Variants in CHSY3 observed in about 807,000 individuals in gnomAD.
The protein encoded by CHSY3 is chondroitin sulfate synthase 3.
A neutral mutation model predicts 67.2 loss-of-function variants in CHSY3; 35 were observed. The ratio of observed to expected loss-of-function variants is 0.52; its 90% CI spans 0.40 to 0.69. The LOEUF (loss-of-function observed/expected upper bound fraction) is 0.69. CHSY3 is among the 30% of genes least tolerant of loss of function. The pLI, the probability that CHSY3 is intolerant of heterozygous loss-of-function variation, is 0.00. For missense variants in CHSY3, 1,069 were observed against 1,138.5 expected (o/e 0.94, Z 0.88); for synonymous variants, 474 against 434.7 (o/e 1.09, Z -1.12).
chr5:129,914,684 G>A (rs1760681826), intron 2 of CHSY3, among the ~76,000 whole-genome samples: 1 of 152,142 alleles, frequency 6.6e-6, no homozygotes, highest in Non-Finnish European at 1.5e-5. Context: ...CTTCCACACT[G>A]TTTTCTTCAT....
intron 2 of CHSY3, among the ~76,000 whole-genome samples, chr5:129,933,321 A>G (rs907983141): frequency 1.3e-5 from 2 of 152,138 alleles, no homozygotes; most frequent in Admixed American, 1.3e-4. Flanking sequence ...ATATTTTGAA[A>G]TTAGCATCAG....
chr5:130,099,178 ACT>A (rs1767147633), intron 2 of CHSY3, among the ~76,000 whole-genome samples: 1 of 152,082 alleles, frequency 6.6e-6, no homozygotes, highest in Non-Finnish European at 1.5e-5. Context: ...CAATTTGAAG[ACT>A]CTCTGCTAAT....
intron 2 of CHSY3, among the ~76,000 whole-genome samples, chr5:130,072,691 T>G (rs1377304024): frequency 1.3e-5 from 2 of 152,150 alleles, no homozygotes; most frequent in African/African-American, 4.8e-5. Context: ...CCTATTTATA[T>G]GAAAAAATGG....
chr5:129,941,686 C>A (rs2149595082), intron 2 of CHSY3, among the ~76,000 whole-genome samples: 1 of 152,300 alleles, frequency 6.6e-6, no homozygotes, highest in East Asian at 1.9e-4. Context: ...ACAGTCAACA[C>A]AGAATACTAT....
intron 2 of CHSY3, among the ~76,000 whole-genome samples, chr5:129,998,637 G>T (rs1395166518): frequency 6.6e-6 from 1 of 151,856 alleles, no homozygotes; most frequent in Non-Finnish European, 1.5e-5. Flanking sequence ...AAATCTTTTT[G>T]ATTTTGTCAA....
intron 2 of CHSY3, among the ~76,000 whole-genome samples, chr5:130,150,898 C>T (rs1031076035): frequency 1.3e-5 from 2 of 152,026 alleles, no homozygotes; most frequent in Non-Finnish European, 2.9e-5. Flanking sequence ...TTTATGTGCC[C>T]TAGAGAAATA....
intron 2 of CHSY3, among the ~76,000 whole-genome samples, chr5:130,035,542 G>GTACA (rs1211008950): frequency 6.6e-6 from 1 of 152,140 alleles, no homozygotes; most frequent in Non-Finnish European, 1.5e-5. Flanking sequence ...CCCCCAGGCT[G>GTACA]TACATAGCAC....
intron 2 of CHSY3, among the ~76,000 whole-genome samples, chr5:129,981,049 A>C (rs1762966932): frequency 2.5e-5 from 1 of 40,112 alleles, no homozygotes; most frequent in Non-Finnish European, 4.6e-5. Context: ...TACTGAAAAT[A>C]CAAAAAAAAA....
intron 2 of CHSY3, among the ~76,000 whole-genome samples, chr5:130,108,504 T>C (rs567056599): frequency 6.6e-6 from 1 of 151,780 alleles, no homozygotes; most frequent in African/African-American, 2.4e-5. Context: ...TCAGAAATAA[T>C]TGTAATCAAG....
At chr5:130,142,064 G>T in intron 2 of CHSY3, 1 of 166,870 alleles carries the variant, frequency 6.0e-6, no homozygotes, top group Non-Finnish European at 1.3e-5. Flanking sequence ...TTAACTACTG[G>T]CCAATCTCAA....
Position 129,904,874 on chromosome 5 carries a change from G to A in CHSY3, c.45G>A (p.Gly15=). ...GCCCGTGGATGAGCGTGGCATTAGG[G>A]CTGGTGCTGGGCTTCACCGCCGCGT... ...SRRPWMSVAL[G]LVLGFTAASW... The change falls in exon 1 of 3, where the codon GGG becomes GGA. Residue 15 remains glycine, a synonymous_variant. Coordinates refer to ENST00000305031, the MANE Select transcript of CHSY3 (RefSeq NM_175856.5). The A allele has an allele frequency of 6.6e-7, 1 of 1,507,288 alleles. No homozygotes were observed. Among genetic ancestry groups the A allele is most frequent in the Non-Finnish European group, 8.9e-7 (1 of 1,127,186 alleles). The allele number at this position is 1,507,288 out of a possible 1,614,324, so 93.4% of individuals were successfully genotyped here.
At chr5:130,078,425 G>A (rs1216381787) in intron 2 of CHSY3, among the ~76,000 whole-genome samples, 1 of 152,102 alleles carries the variant, frequency 6.6e-6, no homozygotes, top group Non-Finnish European at 1.5e-5. Flanking sequence ...TCCCTGCAAA[G>A]CAGCTGCCCC....
At chr5:130,163,845 G>A (rs942726158) in intron 2 of CHSY3, among the ~76,000 whole-genome samples, 1 of 152,190 alleles carries the variant, frequency 6.6e-6, no homozygotes, top group South Asian at 2.1e-4. Context: ...ATTGAGCTCT[G>A]TGATACCTTG....
intron 2 of CHSY3, among the ~76,000 whole-genome samples, chr5:130,109,933 G>T (rs1767538141): frequency 6.6e-6 from 1 of 151,812 alleles, no homozygotes; most frequent in African/African-American, 2.4e-5. Context: ...TGGGTATTAA[G>T]CAAGGAAAAG....
chr5:130,067,361 T>C (rs77077115), intron 2 of CHSY3, among the ~76,000 whole-genome samples: 4 of 152,312 alleles, frequency 2.6e-5, no homozygotes, highest in Non-Finnish European at 5.9e-5. Flanking sequence ...AATTGTCATA[T>C]CCTTTACAAA....
intron 2 of CHSY3, among the ~76,000 whole-genome samples, chr5:130,005,802 A>G (rs1763858467): frequency 6.6e-6 from 1 of 152,224 alleles, no homozygotes; most frequent in Non-Finnish European, 1.5e-5. Context: ...GAAATATTTA[A>G]TTGAAAGAGG....
chr5:130,136,781 A>G lies in CHSY3; in HGVS notation c.1087-47448A>G, dbSNP rs1441434785. On this transcript the variant is annotated intron_variant, in intron 2 of 2. Transcript: ENST00000305031. ...TTTTTGTGTTATTTTATGCACCAGT[A>G]TTCCTGGTGGGTAAAATATAAAGAT... is the stretch of plus-strand genomic sequence containing the variant. 2.6e-5 allele frequency among the ~76,000 whole-genome samples: 4 copies of G among 152,316 alleles called. No homozygotes were observed. In the East Asian group the frequency reaches 5.8e-4, roughly 22 times the overall value.
At chr5:130,061,782 C>CA (rs1024337863) in intron 2 of CHSY3, among the ~76,000 whole-genome samples, 2 of 151,560 alleles carry the variant, frequency 1.3e-5, no homozygotes, top group Non-Finnish European at 2.9e-5. Context: ...TACAAGTAGA[C>CA]AAAAAACACA....
chr5:130,177,170 T>C (rs1041880740), intron 2 of CHSY3, among the ~76,000 whole-genome samples: 2 of 147,558 alleles, frequency 1.4e-5, no homozygotes, highest in African/African-American at 5.0e-5. Flanking sequence ...ATAATAATTT[T>C]TCATACATAT....
Sources: gnomAD v4.1 joint callset for allele counts (sites outside exome capture counted in the v4.1 genomes callset) on GRCh38, gnomAD v4.1.1 for gene constraint, MANE v1.5 for transcripts, NCBI Gene and HGNC (gene_info 2026-07-23, HGNC 2026-07-21) for gene names.